The following MGA variants were observed in gnomAD, a reference collection of about 807,000 sequenced individuals.
MGA encodes MAX gene-associated protein.
Under a neutral mutation model 261.1 loss-of-function variants are expected in MGA, and 40 were observed. The observed-to-expected ratio is 0.15, with a 90% CI of 0.12 to 0.20. MGA has a LOEUF of 0.20. Among genes scored for constraint, MGA ranks in the 10% least tolerant of loss-of-function variants. The probability of loss-of-function intolerance (pLI) is 1.00; values close to 1 mark genes in which losing one functional copy is unlikely to be tolerated. For missense variants in MGA, 3,397 were observed against 3,630.5 expected (o/e 0.94, Z 1.65); for synonymous variants, 1,302 against 1,290.6 (o/e 1.01, Z -0.19).
In MGA at chr15:41,669,688, A is replaced by G. The variant is rs2150951525; in HGVS notation, c.794A>G (p.Asn265Ser). The G allele has an allele frequency of 6.2e-7, 1 of 1,613,668 alleles. No homozygotes were observed. Among genetic ancestry groups the G allele is most frequent in the Non-Finnish European group, 8.5e-7 (1 of 1,179,708 alleles). The stretch of plus-strand genomic sequence containing the variant: ...GGCTTTCGGGATGATGGGCTGAATA[A>G]TAAGCCCCAGAGAGATGGAAAACAA... The change falls in exon 2 of 24, where the codon AAT becomes AGT. Residue 265 changes from asparagine (N) to serine (S), a missense_variant. Around this residue, in one of 9 missense-constraint regions of MGA, gnomAD observed 563 missense variants for 563.6 expected, o/e 1.00. Coordinates refer to ENST00000219905, the MANE Select transcript of MGA (RefSeq NM_001164273.2).
intron 7 of MGA, 120 bp downstream of exon 7, chr15:41,708,328 T>C: frequency 1.3e-6 from 1 of 769,774 alleles, no homozygotes; most frequent in Non-Finnish European, 2.1e-6. Flanking sequence ...TTGTTGTTGT[T>C]GTTGTTGAGA....
chr15:41,733,518 C>T (rs1005611191), intron 11 of MGA, among the ~76,000 whole-genome samples: 5 of 152,152 alleles, frequency 3.3e-5, no homozygotes, highest in Admixed American at 2.0e-4. Flanking sequence ...GCTCCACCTT[C>T]GCTTGTACTG....
At chr15:41,704,543 A>G (rs895549620) in intron 5 of MGA, among the ~76,000 whole-genome samples, 11 of 152,216 alleles carry the variant, frequency 7.2e-5, no homozygotes, top group Admixed American at 5.2e-4. Context: ...CTGTAGTCCC[A>G]GCTGCTGGGG....
intron 1 of MGA, among the ~76,000 whole-genome samples, chr15:41,621,880 T>C (rs1441710715): frequency 6.6e-6 from 1 of 152,214 alleles, no homozygotes; most frequent in Non-Finnish European, 1.5e-5. Context: ...CTGTAAATTC[T>C]GGCCGCGGCT....
chr15:41,688,363 C>T (rs570676970), intron 2 of MGA, among the ~76,000 whole-genome samples: 1 of 152,274 alleles, frequency 6.6e-6, no homozygotes, highest in South Asian at 2.1e-4. Flanking sequence ...AGCCACCGTG[C>T]CCAGCCTAAA....
At chr15:41,710,604 A>G (rs927503374) in intron 7 of MGA, 87 bp from the exon 8 acceptor site, 65 of 1,292,606 alleles carry the variant, frequency 5.0e-5, no homozygotes, top group Admixed American at 2.7e-4. Flanking sequence ...TTGTAGCTCA[A>G]TATTCTTGGC....
In MGA at chr15:41,742,410, T is replaced by G. The variant is rs527864732; in HGVS notation, c.4586-136T>G. On this transcript the variant is annotated intron_variant, in intron 14 of 23. Transcript: ENST00000219905. ...ATCTTAAAAAAGAAAAAAAAGAAATTGGCACAAATAATACAGGTAGGTAGT... is the reference window on the plus strand; with the variant it reads ...ATCTTAAAAAAGAAAAAAAAGAAATGGGCACAAATAATACAGGTAGGTAGT... 3 of 1,071,852 alleles carry G rather than the reference T, an allele frequency of 2.8e-6. No homozygotes were observed. In the East Asian group the frequency reaches 7.4e-5, roughly 26 times the overall value. 66.4% of individuals were successfully genotyped at this position (1,071,852 alleles called of 1,614,324 possible).
chr15:41,694,147 G>A (rs1000392853), intron 2 of MGA, among the ~76,000 whole-genome samples: 1 of 151,990 alleles, frequency 6.6e-6, no homozygotes, highest in Non-Finnish European at 1.5e-5. Flanking sequence ...GCCGGGCGTG[G>A]TGGCTCACAC....
rs761703897 is a variant in MGA at position 41,742,635 on chromosome 15, C to G, written c.4675C>G (p.Pro1559Ala). 1 of 1,613,784 alleles carries G rather than the reference C, an allele frequency of 6.2e-7. No homozygotes were observed. Among genetic ancestry groups the G allele is most frequent in the Non-Finnish European group, 8.5e-7 (1 of 1,179,876 alleles). ...GCAGAAGATACCTGGAGTTAGCACA[C>G]CCCAAACCCTGGCAGGGACACAGAA... is the stretch of plus-strand genomic sequence containing the variant. Residue 1559 changes from proline (P) to alanine (A), a missense_variant, in exon 15 of 24, where the codon CCC becomes GCC. By Grantham distance (27) the Pro-to-Ala change is conservative. Around this residue, in one of 9 missense-constraint regions of MGA, gnomAD observed 1,410 missense variants for 1,386.4 expected, o/e 1.02. Transcript: ENST00000219905.
In MGA at chr15:41,669,899, C is replaced by T; in HGVS notation, c.1005C>T (p.Phe335=). Residue 335 remains phenylalanine, a synonymous_variant, in exon 2 of 24, where the codon TTC becomes TTT. Transcript: ENST00000219905. ...ATATAAAACGAGACTTTCTTGGTTT[C>T]ATGGATACTGATTCAGCACTTAGTG... 6.2e-7 allele frequency: 1 copy of T among 1,613,944 alleles called. No homozygotes were observed. The highest frequency in any genetic ancestry group is 8.5e-7 in the Non-Finnish European group (1 of 1,179,880).
chr15:41,718,301 G>GTATA lies in MGA; in HGVS notation c.3430+4822_3430+4825dup, dbSNP rs57814590. On this transcript the variant is annotated intron_variant, in intron 9 of 23. Coordinates refer to ENST00000219905, the MANE Select transcript of MGA (RefSeq NM_001164273.2). The stretch of plus-strand genomic sequence containing the variant: ...GTGTATATGTAGTGTGTGTGTGTGT[G>GTATA]TATATATATATATATATATACATAT... 7.4e-3 allele frequency: 1,430 copies of GTATA among 193,432 alleles called. 11 individuals carry two copies. Among genetic ancestry groups the GTATA allele is most frequent in the African/African-American group, 0.024 (937 of 39,210 alleles). The allele number at this position is 193,432 out of a possible 1,614,324, so 12.0% of individuals were successfully genotyped here. A position where few individuals can be genotyped will look rare whatever the true frequency, so the allele number is the denominator to read the frequency against.
chr15:41,768,974 C>T lies in MGA; in HGVS notation c.*1694C>T, dbSNP rs1030202068. The T allele has an allele frequency of 1.3e-5, 2 of 152,572 alleles. No individual in the cohort carries two copies. The highest frequency in any genetic ancestry group is 4.1e-4 in the South Asian group (2 of 4,822). 9.5% of individuals were successfully genotyped at this position (152,572 alleles called of 1,614,324 possible). Reference sequence around the variant, plus strand: ...ATCTGCTCATCAGCACTTAACCTTCCCTCCTCTAAAGGTTACTAAAGAAGC... The same window carrying T: ...ATCTGCTCATCAGCACTTAACCTTCTCTCCTCTAAAGGTTACTAAAGAAGC... On this transcript the variant is annotated 3_prime_UTR_variant, in exon 24 of 24. Coordinates refer to ENST00000219905, the MANE Select transcript of MGA (RefSeq NM_001164273.2).
intron 1 of MGA, among the ~76,000 whole-genome samples, chr15:41,624,579 C>T (rs921532055): frequency 2.0e-5 from 3 of 151,974 alleles, no homozygotes; most frequent in Non-Finnish European, 4.4e-5. Context: ...ATGATCTGCC[C>T]GCCTTGGCCT....
intron 17 of MGA, chr15:41,751,729 TAA>T (rs745362876): frequency 2.1e-5 from 3 of 143,272 alleles, no homozygotes; most frequent in Admixed American, 7.0e-5. Flanking sequence ...TGTCTCGGGT[TAA>T]AAAAAAAAAA....
At chr15:41,750,995 A>G (rs1159013043) in intron 17 of MGA, 3 of 168,460 alleles carry the variant, frequency 1.8e-5, no homozygotes, top group African/African-American at 7.2e-5. Flanking sequence ...AGAAACTGGG[A>G]ATGGGTGACC....
At chr15:41,625,746 C>T (rs897360666) in intron 1 of MGA, among the ~76,000 whole-genome samples, 29 of 151,934 alleles carry the variant, frequency 1.9e-4, no homozygotes, top group Admixed American at 1.3e-3. Flanking sequence ...TAAATAAATA[C>T]GGTGCCTTTA....
chr15:41,711,605 A>G (rs1722289907), intron 8 of MGA, among the ~76,000 whole-genome samples: 2 of 152,234 alleles, frequency 1.3e-5, no homozygotes, highest in Admixed American at 1.3e-4. Context: ...GTATAAAGGC[A>G]ACTGACCATT....
At chr15:41,688,231 A>G (rs1566977638) in intron 2 of MGA, among the ~76,000 whole-genome samples, 3 of 152,128 alleles carry the variant, frequency 2.0e-5, no homozygotes. Flanking sequence ...ACACACTGCC[A>G]TGCCAACCTA....
chr15:41,648,704 G>A (rs1411624368), intron 1 of MGA, among the ~76,000 whole-genome samples: 1 of 152,178 alleles, frequency 6.6e-6, no homozygotes, highest in African/African-American at 2.4e-5. Context: ...GAAGGTCATT[G>A]TGCCTGGAGT....
Sources: allele counts gnomAD v4.1 joint callset (sites outside exome capture counted in the v4.1 genomes callset), GRCh38; gene constraint gnomAD v4.1.1; regional missense constraint gnomAD v4.1.1; transcripts MANE v1.5; gene names NCBI Gene and HGNC (gene_info 2026-07-23, HGNC 2026-07-21).